The following SGMS1 variants were observed in gnomAD, a reference collection of about 807,000 sequenced individuals.
The protein encoded by SGMS1 is sphingomyelin synthase 1.
In SGMS1, 13 loss-of-function variants were observed where a neutral mutation model predicts 46.2. That is an observed-to-expected ratio of 0.28 (90% CI 0.18 to 0.45). The LOEUF is 0.45. Ranked by LOEUF, SGMS1 falls within the 20% of genes least tolerant of loss-of-function variation. The pLI is 1.00. For missense variants in SGMS1, 324 were observed against 519.9 expected (o/e 0.62, Z 3.66); for synonymous variants, 203 against 187.8 (o/e 1.08, Z -0.66).
Position 50,610,864 on chromosome 10 carries a change from G to A in SGMS1, c.-684+12843C>T, listed in dbSNP as rs145260131. 5.5e-3 allele frequency among the ~76,000 whole-genome samples: 838 copies of A among 152,248 alleles called. 7 individuals carry two copies. The highest frequency in any genetic ancestry group is 0.019 in the African/African-American group (792 of 41,538). On this transcript the variant is annotated intron_variant, in intron 1 of 10. Transcript: ENST00000361781. ...TTGTTCACACCTGTATCCTGGCCTC[G>A]TTCAACGTCAAAGCTGCCAGTCTCC...
intron 5 of SGMS1, among the ~76,000 whole-genome samples, chr10:50,437,290 AAT>A (rs1849486783): frequency 6.6e-6 from 1 of 152,218 alleles, no homozygotes; most frequent in Non-Finnish European, 1.5e-5. Context: ...ATAAAGGGCA[AAT>A]TGTCTGCTCT....
intron 2 of SGMS1, among the ~76,000 whole-genome samples, chr10:50,588,233 C>T (rs1277032243): frequency 6.6e-6 from 1 of 152,184 alleles, no homozygotes; most frequent in Admixed American, 6.5e-5. Flanking sequence ...TGTTCTAAAT[C>T]AGAAATGAGA....
At chr10:50,512,691 T>A (rs1348575006) in intron 3 of SGMS1, among the ~76,000 whole-genome samples, 1 of 152,252 alleles carries the variant, frequency 6.6e-6, no homozygotes, top group African/African-American at 2.4e-5. Flanking sequence ...AGCTTCCACA[T>A]GTAGAAATGG....
At chr10:50,549,344 T>C (rs1462996998) in intron 2 of SGMS1, among the ~76,000 whole-genome samples, 3 of 152,150 alleles carry the variant, frequency 2.0e-5, no homozygotes, top group Non-Finnish European at 2.9e-5. Flanking sequence ...ATATACACCA[T>C]GGAATACTAC....
intron 1 of SGMS1, among the ~76,000 whole-genome samples, chr10:50,595,696 C>T (rs1838584927): frequency 6.6e-6 from 1 of 152,148 alleles, no homozygotes; most frequent in Non-Finnish European, 1.5e-5. Context: ...CATCTAATTT[C>T]AGGGCTTGTG....
chr10:50,405,375 A>G (rs563902921), intron 6 of SGMS1, among the ~76,000 whole-genome samples: 1 of 152,326 alleles, frequency 6.6e-6, no homozygotes, highest in Non-Finnish European at 1.5e-5. Flanking sequence ...GTAGAGAAAA[A>G]GGGGGCAATG....
intron 3 of SGMS1, among the ~76,000 whole-genome samples, chr10:50,493,026 C>A (rs1391712831): frequency 6.6e-6 from 1 of 152,064 alleles, no homozygotes; most frequent in Admixed American, 6.6e-5. Flanking sequence ...AGGCAACGAA[C>A]CTCGGGTATT....
chr10:50,510,551 T>G (rs1189945983), intron 3 of SGMS1, among the ~76,000 whole-genome samples: 1 of 152,138 alleles, frequency 6.6e-6, no homozygotes, highest in East Asian at 1.9e-4. Context: ...GTATTATCTG[T>G]TTTTGTTTTG....
chr10:50,607,448 A>G (rs1332473908), intron 1 of SGMS1, among the ~76,000 whole-genome samples: 4 of 152,224 alleles, frequency 2.6e-5, no homozygotes, highest in Non-Finnish European at 4.4e-5. Context: ...ACCTCTGCAA[A>G]GATTCTTCTG....
intron 8 of SGMS1, among the ~76,000 whole-genome samples, chr10:50,318,699 A>G (rs1847389500): frequency 6.6e-6 from 1 of 152,162 alleles, no homozygotes; most frequent in Admixed American, 6.5e-5. Flanking sequence ...GCCCACCACA[A>G]CTGATCTAAA....
chr10:50,372,162 T>C (rs1848445565), intron 6 of SGMS1, among the ~76,000 whole-genome samples: 1 of 152,214 alleles, frequency 6.6e-6, no homozygotes, highest in Non-Finnish European at 1.5e-5. Context: ...CGGCACATGC[T>C]AGGCAGTCAA....
intron 7 of SGMS1, among the ~76,000 whole-genome samples, chr10:50,327,571 C>T (rs1847551489): frequency 6.6e-6 from 1 of 151,942 alleles, no homozygotes; most frequent in Admixed American, 6.6e-5. Flanking sequence ...ATTAATTAGG[C>T]TTCATGAGGC....
intron 3 of SGMS1, among the ~76,000 whole-genome samples, chr10:50,492,360 C>G (rs1253835756): frequency 6.6e-6 from 1 of 152,148 alleles, no homozygotes; most frequent in Non-Finnish European, 1.5e-5. Context: ...GAGAGTCAGT[C>G]AAACTATCCT....
intron 7 of SGMS1, chr10:50,335,727 A>G (rs1328512437): frequency 6.6e-6 from 1 of 152,216 alleles, no homozygotes; most frequent in Non-Finnish European, 1.5e-5. Context: ...TGTAAAAGAG[A>G]AGGCCAAAAT....
intron 4 of SGMS1, among the ~76,000 whole-genome samples, chr10:50,465,051 A>G (rs1837313331): frequency 6.6e-6 from 1 of 151,874 alleles, no homozygotes; most frequent in Admixed American, 6.6e-5. Context: ...CTTCCTCCTC[A>G]CTCCTCTGTG....
intron 3 of SGMS1, among the ~76,000 whole-genome samples, chr10:50,496,725 AG>A (rs1224842593): frequency 6.6e-6 from 1 of 152,156 alleles, no homozygotes; most frequent in Non-Finnish European, 1.5e-5. Flanking sequence ...CCTCTCTACC[AG>A]TACCTAGGCC....
intron 6 of SGMS1, among the ~76,000 whole-genome samples, chr10:50,391,831 T>C (rs1172239250): frequency 7.2e-6 from 1 of 139,608 alleles, no homozygotes. Flanking sequence ...TGGAACATTA[T>C]GCAATCATTA....
intron 2 of SGMS1, among the ~76,000 whole-genome samples, chr10:50,553,059 G>A (rs1838161641): frequency 6.6e-6 from 1 of 152,162 alleles, no homozygotes; most frequent in Non-Finnish European, 1.5e-5. Flanking sequence ...ATTTGTTACA[G>A]CAGCTACAGA....
intron 7 of SGMS1, among the ~76,000 whole-genome samples, chr10:50,328,684 G>A (rs866091042): frequency 1.3e-5 from 2 of 152,154 alleles, no homozygotes; most frequent in East Asian, 1.9e-4. Context: ...AATTATTTAC[G>A]ATAGAAGCCA....
Sources: gnomAD v4.1 joint callset for allele counts (sites outside exome capture counted in the v4.1 genomes callset) on GRCh38, gnomAD v4.1.1 for gene constraint, MANE v1.5 for transcripts, NCBI Gene and HGNC (gene_info 2026-07-23, HGNC 2026-07-21) for gene names.